The following KCNIP4 variants were observed in gnomAD, a reference collection of about 807,000 sequenced individuals.
The protein encoded by KCNIP4 is Kv channel-interacting protein 4.
KCNIP4 carries 12 observed loss-of-function variants against 34.0 expected under a neutral mutation model. The observed-to-expected ratio is 0.35, with a 90% CI of 0.23 to 0.57. KCNIP4 has a LOEUF of 0.57. KCNIP4 is among the 20% of genes least tolerant of loss of function. KCNIP4 has a pLI of 0.83. For synonymous variants in KCNIP4, 124 were observed against 102.2 expected (o/e 1.21, Z -1.29); for missense variants, 238 against 311.7 (o/e 0.76, Z 1.78).
At chr4:20,988,000 C>CAAAAA (rs36044149) in intron 1 of KCNIP4, among the ~76,000 whole-genome samples, 1,601 of 46,256 alleles carry the variant, frequency 0.035, 122 homozygotes, top group African/African-American at 0.062. Flanking sequence ...GATTCCATCT[C>CAAAAA]AAAAAAAAAA....
chr4:20,813,453 T>C (rs1276522396), intron 3 of KCNIP4, among the ~76,000 whole-genome samples: 1 of 152,192 alleles, frequency 6.6e-6, no homozygotes, highest in African/African-American at 2.4e-5. Context: ...GGATAGTGCT[T>C]GGACAACTCA....
intron 1 of KCNIP4, among the ~76,000 whole-genome samples, chr4:21,170,023 A>G (rs1045142604): frequency 1.2e-4 from 18 of 152,164 alleles, no homozygotes; most frequent in African/African-American, 4.3e-4. Context: ...GCCTTAGTAA[A>G]TAGAAGTTCA....
chr4:20,830,580 C>T (rs1157276680), intron 3 of KCNIP4, among the ~76,000 whole-genome samples: 2 of 152,070 alleles, frequency 1.3e-5, no homozygotes, highest in Non-Finnish European at 2.9e-5. Context: ...AGCTATATGG[C>T]CTTGGGAAGT....
At chr4:21,143,978 G>A (rs1260103416) in intron 1 of KCNIP4, among the ~76,000 whole-genome samples, 4 of 152,222 alleles carry the variant, frequency 2.6e-5, no homozygotes, top group East Asian at 3.9e-4. Context: ...AAAGTGCTGC[G>A]ATTACAGGCG....
In KCNIP4 at chr4:21,731,678, G is replaced by T. The variant is rs76962238; in HGVS notation, c.61+216893C>A. ...CCCAATCAAAGTTTGCACCATTAGG[G>T]CTTTATGGGAACAAGTCTGTAACTA... On this transcript the variant is annotated intron_variant, in intron 1 of 8. Transcript: ENST00000382152. Among the ~76,000 whole-genome samples, 194 of 152,166 alleles carry T rather than the reference G, an allele frequency of 1.3e-3. 3 individuals carry two copies. The East Asian group carries it at 0.035, about 27-fold the overall frequency.
chr4:21,606,719 G>T (rs552868496), intron 1 of KCNIP4, among the ~76,000 whole-genome samples: 1 of 152,056 alleles, frequency 6.6e-6, no homozygotes, highest in South Asian at 2.1e-4. Flanking sequence ...TCAGCCTCCC[G>T]AGTAGCTGGG....
intron 1 of KCNIP4, among the ~76,000 whole-genome samples, chr4:21,530,257 T>C (rs1736564602): frequency 6.6e-6 from 1 of 152,184 alleles, no homozygotes; most frequent in South Asian, 2.1e-4. Flanking sequence ...AAATACATAA[T>C]GTACTTTTGT....
intron 1 of KCNIP4, among the ~76,000 whole-genome samples, chr4:21,419,029 A>G (rs1323048149): frequency 1.3e-5 from 2 of 152,202 alleles, no homozygotes; most frequent in Non-Finnish European, 2.9e-5. Context: ...AGCTTTGCCT[A>G]TGTAGGGCCT....
intron 1 of KCNIP4, among the ~76,000 whole-genome samples, chr4:21,776,298 T>C (rs73102075): frequency 0.019 from 2,929 of 152,220 alleles, 80 homozygotes; most frequent in African/African-American, 0.067. Flanking sequence ...CTGGATACCT[T>C]GGTTGCTGGT....
chr4:20,813,512 A>G (rs1360467983), intron 3 of KCNIP4, among the ~76,000 whole-genome samples: 1 of 152,196 alleles, frequency 6.6e-6, no homozygotes, highest in Non-Finnish European at 1.5e-5. Context: ...AGTAAAATTA[A>G]CAGCTAGTGC....
At chr4:21,174,778 G>C (rs935365028) in intron 1 of KCNIP4, among the ~76,000 whole-genome samples, 25 of 151,874 alleles carry the variant, frequency 1.6e-4, no homozygotes, top group Admixed American at 6.6e-5. Flanking sequence ...GGTGGTGCAT[G>C]CCTGTAATCC....
chr4:21,903,014 T>C (rs1056041672), intron 1 of KCNIP4, among the ~76,000 whole-genome samples: 3 of 152,120 alleles, frequency 2.0e-5, no homozygotes, highest in African/African-American at 7.2e-5. Flanking sequence ...TAATGTCTAA[T>C]GACTAAGCAA....
chr4:21,276,612 C>A (rs1235391934), intron 1 of KCNIP4, among the ~76,000 whole-genome samples: 1 of 152,064 alleles, frequency 6.6e-6, no homozygotes, highest in Non-Finnish European at 1.5e-5. Flanking sequence ...GTCTATGTGT[C>A]TTACCTATTT....
At position 21,573,748 on chromosome 4, in the gene KCNIP4, T is replaced by C. The variant is rs187660499; in HGVS notation, c.61+374823A>G. 1.8e-3 allele frequency among the ~76,000 whole-genome samples: 272 copies of C among 152,282 alleles called. 1 individual carries two copies. Among genetic ancestry groups the C allele is most frequent in the Non-Finnish European group, 3.0e-3 (202 of 68,020 alleles). On this transcript the variant is annotated intron_variant, in intron 1 of 8. Coordinates refer to ENST00000382152, the MANE Select transcript of KCNIP4 (RefSeq NM_025221.6). ...TTCATCTAGGGGTGAATGATATGCA[T>C]GTTAGTACACTACGCTCCATTTTGA...
chr4:21,902,852 A>G (rs1727784531), intron 1 of KCNIP4, among the ~76,000 whole-genome samples: 1 of 152,182 alleles, frequency 6.6e-6, no homozygotes, highest in African/African-American at 2.4e-5. Flanking sequence ...CAATCAGTAC[A>G]TATAGGAAGC....
chr4:21,867,988 C>G (rs547293825), intron 1 of KCNIP4, among the ~76,000 whole-genome samples: 98 of 152,264 alleles, frequency 6.4e-4, no homozygotes, highest in African/African-American at 2.3e-3. Flanking sequence ...TCATCCTTCA[C>G]TGTAATAACA....
At chr4:21,734,279 T>C (rs759995599) in intron 1 of KCNIP4, among the ~76,000 whole-genome samples, 27 of 152,284 alleles carry the variant, frequency 1.8e-4, no homozygotes, top group South Asian at 1.0e-3. Context: ...GTCCTTGAAG[T>C]GCTATTTCAG....
chr4:21,604,868 T>C (rs1560554643), intron 1 of KCNIP4, among the ~76,000 whole-genome samples: 1 of 152,206 alleles, frequency 6.6e-6, no homozygotes, highest in African/African-American at 2.4e-5. Flanking sequence ...AACATCTTTA[T>C]CACTTTGATC....
At chr4:20,753,878 G>A (rs1328237542) in intron 4 of KCNIP4, among the ~76,000 whole-genome samples, 2 of 150,948 alleles carry the variant, frequency 1.3e-5, no homozygotes, top group Non-Finnish European at 2.9e-5. Context: ...AATGTTTATT[G>A]ACAGATTATT....
Sources: gnomAD v4.1 joint callset for allele counts (sites outside exome capture counted in the v4.1 genomes callset) on GRCh38, gnomAD v4.1.1 for gene constraint, MANE v1.5 for transcripts, NCBI Gene and HGNC (gene_info 2026-07-23, HGNC 2026-07-21) for gene names.